ZNF638: variants seen among roughly 807,000 people sequenced by gnomAD.
ZNF638 encodes zinc finger protein 638.
ZNF638 carries 46 observed loss-of-function variants against 195.6 expected under a neutral mutation model. That is an observed-to-expected ratio of 0.24 (90% CI 0.19 to 0.30). The LOEUF (loss-of-function observed/expected upper bound fraction) is 0.30, where lower values mean the gene tolerates loss of function less well. ZNF638 is among the 10% of genes least tolerant of loss of function. The pLI is 1.00. For missense variants in ZNF638, 2,440 were observed against 2,325.3 expected, an observed-to-expected ratio of 1.05 and a Z score of -1.01; for synonymous variants, 845 against 772.0, an observed-to-expected ratio of 1.09 and a Z score of -1.57.
Position 71,400,177 on chromosome 2 carries a change from T to G in ZNF638, c.2653T>G (p.Ser885Ala). Residue 885 changes from serine to alanine, a missense_variant, in exon 14 of 28, where the codon TCT becomes GCT. Ser to Ala is a moderately conservative substitution (Grantham distance 99). Coordinates refer to ENST00000264447, the MANE Select transcript of ZNF638 (RefSeq NM_014497.5). ...ATENCAKEAI[S>A]DAALEATENE... ...TGAAAACTGTGCTAAAGAAGCTATT[T>G]CTGGTAGGTCAATAGAAATTTTATT... 1 of 1,602,968 alleles carries G rather than the reference T, an allele frequency of 6.2e-7. No homozygotes were observed. Among genetic ancestry groups the G allele is most frequent in the Non-Finnish European group, 8.5e-7 (1 of 1,175,506 alleles).
intron 2 of ZNF638, among the ~76,000 whole-genome samples, chr2:71,351,500 A>T (rs552133061): frequency 1.3e-5 from 2 of 152,312 alleles, no homozygotes; most frequent in African/African-American, 2.4e-5. Context: ...GCCCTGGCCT[A>T]AGTAGTGAAT....
In ZNF638 at chr2:71,349,228, G is replaced by A. The variant is rs2078902700; in HGVS notation, c.274G>A (p.Ala92Thr). Residue 92 changes from alanine (A) to threonine (T), a missense_variant, in exon 2 of 28, where the codon GCA becomes ACA. Around this residue, in one of 5 missense-constraint regions of ZNF638, gnomAD observed 191 missense variants for 173.8 expected, o/e 1.10. Coordinates refer to ENST00000264447, the MANE Select transcript of ZNF638 (RefSeq NM_014497.5). ...LTKEKLDFHE[A>T]QQKKGKPHGS... Reference sequence around the variant, plus strand: ...CAAAGAAAAACTGGATTTTCATGAAGCACAACAGAAGAAGGGGAAGCCTCA... The same window carrying A: ...CAAAGAAAAACTGGATTTTCATGAAACACAACAGAAGAAGGGGAAGCCTCA... The A allele has an allele frequency of 6.2e-7, 1 of 1,614,154 alleles. No individual in the cohort carries two copies. The highest frequency in any genetic ancestry group is 8.5e-7 in the Non-Finnish European group (1 of 1,180,038).
intron 17 of ZNF638, among the ~76,000 whole-genome samples, 161 bp from the exon 18 acceptor site, chr2:71,405,440 A>G (rs1359308913): frequency 1.3e-5 from 2 of 152,030 alleles, no homozygotes; most frequent in African/African-American, 4.8e-5. Flanking sequence ...TTTAGGAGAG[A>G]AAGATTTTTG....
At position 71,400,172 on chromosome 2, in the gene ZNF638, C is replaced by G; in HGVS notation, c.2648C>G (p.Ala883Gly). 1 of 1,605,058 alleles carries G rather than the reference C, an allele frequency of 6.2e-7. No individual in the cohort carries two copies. The highest frequency in any genetic ancestry group is 8.5e-7 in the Non-Finnish European group (1 of 1,176,312). ...GCCACTGAAAACTGTGCTAAAGAAG[C>G]TATTTCTGGTAGGTCAATAGAAATT... ...VKATENCAKE[A>G]ISDAALEATE... The change falls in exon 14 of 28, where the codon GCT becomes GGT. Residue 883 changes from alanine (A) to glycine (G), a missense_variant. Physicochemically the swap from Ala to Gly is moderately conservative, Grantham distance 60. This residue lies in a region of ZNF638 where 1,883 missense variants were observed against 1,739.1 expected (regional missense o/e 1.08). Transcript: ENST00000264447.
At chr2:71,336,780 A>G (rs1315328279) in intron 1 of ZNF638, among the ~76,000 whole-genome samples, 2 of 152,184 alleles carry the variant, frequency 1.3e-5, no homozygotes, top group East Asian at 3.9e-4. Flanking sequence ...TCAGGGTAAC[A>G]TTGTTAGCAA....
At chr2:71,357,444 A>G (rs1423584111) in intron 3 of ZNF638, among the ~76,000 whole-genome samples, 1 of 152,236 alleles carries the variant, frequency 6.6e-6, no homozygotes, top group Non-Finnish European at 1.5e-5. Context: ...CCTTACTGCC[A>G]CTGTAAGGAA....
intron 3 of ZNF638, among the ~76,000 whole-genome samples, chr2:71,362,789 T>C (rs2079131411): frequency 6.6e-6 from 1 of 152,216 alleles, no homozygotes; most frequent in East Asian, 1.9e-4. Context: ...ATTCATGTTG[T>C]ATTCTGTGAG....
intron 8 of ZNF638, among the ~76,000 whole-genome samples, chr2:71,372,627 C>A (rs573902262): frequency 6.6e-5 from 10 of 152,256 alleles, no homozygotes; most frequent in Admixed American, 2.6e-4. Context: ...ATATTTGGTT[C>A]TTGTGATGAT....
At chr2:71,345,145 T>TA (rs1220410308) in intron 1 of ZNF638, among the ~76,000 whole-genome samples, 1 of 152,202 alleles carries the variant, frequency 6.6e-6, no homozygotes, top group African/African-American at 2.4e-5. Flanking sequence ...GTTAATCTCT[T>TA]ACTGTAGCTG....
At chr2:71,427,550 A>G (rs1301646490) in intron 24 of ZNF638, 136 bp downstream of exon 24, 1 of 590,040 alleles carries the variant, frequency 1.7e-6, no homozygotes, top group Non-Finnish European at 2.6e-6. Flanking sequence ...GTTAAAGTCA[A>G]CAATAAATTT....
intron 21 of ZNF638, among the ~76,000 whole-genome samples, chr2:71,419,589 A>G (rs1439971049): frequency 6.6e-6 from 1 of 152,230 alleles, no homozygotes; most frequent in Non-Finnish European, 1.5e-5. Flanking sequence ...TCTGTGTGTC[A>G]GCACAGGGTT....
At chr2:71,404,256 C>CT (rs1314544856) in intron 17 of ZNF638, among the ~76,000 whole-genome samples, 1 of 152,208 alleles carries the variant, frequency 6.6e-6, no homozygotes, top group Non-Finnish European at 1.5e-5. Flanking sequence ...AGGTTTCTCT[C>CT]TTATCTTTCT....
chr2:71,345,408 T>G (rs1484349114), intron 1 of ZNF638, among the ~76,000 whole-genome samples: 1 of 152,160 alleles, frequency 6.6e-6, no homozygotes, highest in Non-Finnish European at 1.5e-5. Context: ...TTATATGAAT[T>G]TTTTGAGACA....
At position 71,423,841 on chromosome 2, in the gene ZNF638, A is replaced by G. The variant is rs753049220; in HGVS notation, c.4327A>G (p.Thr1443Ala). ...SAKEFGLLKPTSARSGLAESS... is the reference protein window; with the variant it reads ...SAKEFGLLKPASARSGLAESS... The stretch of plus-strand genomic sequence containing the variant: ...CAAGGAATTTGGTCTGCTTAAACCC[A>G]CAAGTGCCAGGTCAGGCTTGGCAGA... Residue 1443 changes from threonine (T) to alanine (A), a missense_variant, in exon 22 of 28, where the codon ACA (threonine) becomes GCA (alanine). Thr to Ala is a moderately conservative substitution (Grantham distance 58, BLOSUM62 0). Coordinates refer to ENST00000264447, the MANE Select transcript of ZNF638 (RefSeq NM_014497.5). 2 of 1,614,032 alleles carry G rather than the reference A, an allele frequency of 1.2e-6. No homozygotes were observed. Among genetic ancestry groups the G allele is most frequent in the Admixed American group, 3.3e-5 (2 of 60,008 alleles).
At chr2:71,351,466 T>C (rs1267801369) in intron 2 of ZNF638, among the ~76,000 whole-genome samples, 1 of 152,200 alleles carries the variant, frequency 6.6e-6, no homozygotes, top group East Asian at 1.9e-4. Context: ...ATAATTCATA[T>C]CACCTAATTG....
At chr2:71,426,376 G>A (rs528391536) in intron 23 of ZNF638, 84 bp from the exon 24 acceptor site, 1 of 983,830 alleles carries the variant, frequency 1.0e-6, no homozygotes, top group East Asian at 2.4e-5. Flanking sequence ...CAAATGATCT[G>A]CATGCACATT....
At chr2:71,396,290 CTG>C (rs2079892672) in intron 11 of ZNF638, 99 bp downstream of exon 11, 4 of 947,726 alleles carry the variant, frequency 4.2e-6, no homozygotes, top group South Asian at 1.5e-5. Context: ...ATGACATAGT[CTG>C]TATTGAATGC....
chr2:71,410,991 C>G (rs1217539197), intron 20 of ZNF638, among the ~76,000 whole-genome samples: 18 of 45,300 alleles, frequency 4.0e-4, no homozygotes, highest in East Asian at 6.4e-4. Flanking sequence ...CCTCCCCCCC[C>G]CTTTTTTTTT....
At chr2:71,392,719 A>G (rs893259586) in intron 10 of ZNF638, among the ~76,000 whole-genome samples, 1 of 152,116 alleles carries the variant, frequency 6.6e-6, no homozygotes, top group Non-Finnish European at 1.5e-5. Flanking sequence ...AAACTTAACA[A>G]TAGCAGCTTA....
Sources: gnomAD v4.1 joint callset for allele counts (sites outside exome capture counted in the v4.1 genomes callset) on GRCh38, gnomAD v4.1.1 for gene constraint, gnomAD v4.1.1 regional missense constraint, MANE v1.5 for transcripts, NCBI Gene and HGNC (gene_info 2026-07-23, HGNC 2026-07-21) for gene names.